Variants in NADK2 observed in about 807,000 individuals in gnomAD.
NADK2 encodes the protein NAD kinase domain-containing protein 1, mitochondrial.
In NADK2, 35 loss-of-function variants were observed where a neutral mutation model predicts 62.1. The observed-to-expected ratio is 0.56, with a 90% CI of 0.43 to 0.75. The LOEUF is 0.75. Ranked by LOEUF, NADK2 falls within the 30% of genes least tolerant of loss-of-function variation. NADK2 has a pLI of 0.00. For synonymous variants in NADK2, 205 were observed against 207.9 expected (o/e 0.99, Z 0.12); for missense variants, 439 against 561.3 (o/e 0.78, Z 2.20).
intron 8 of NADK2, 23 bp downstream of exon 8, chr5:36,207,147 A>G: frequency 1.9e-6 from 3 of 1,580,260 alleles, no homozygotes; most frequent in Non-Finnish European, 2.6e-6. Flanking sequence ...AAAACTTGAT[A>G]AGCAACATCC....
At chr5:36,242,056 G>C, upstream of NADK2, 1 of 205,524 alleles carries the variant, frequency 4.9e-6, no homozygotes, top group Non-Finnish European at 9.7e-6. Flanking sequence ...GGAGGCCCCA[G>C]CTAGTGGGTT....
rs1450067366 is a variant in NADK2 at position 36,241,842 on chromosome 5, C to A, written c.-44G>T. 8.0e-7 allele frequency: 1 copy of A among 1,244,562 alleles called. No homozygotes were observed. Among genetic ancestry groups the A allele is most frequent in the Non-Finnish European group, 1.0e-6 (1 of 994,170 alleles). The allele number at this position is 1,244,562 out of a possible 1,614,324, so 77.1% of individuals were successfully genotyped here. ...CGCGGGCTTGGGCTCGGGCCCCTTG[C>A]CTCAGCTCCCTACCGCCGGGAGTGC... On this transcript the variant is annotated 5_prime_UTR_variant, in exon 1 of 12. Transcript: ENST00000381937. The surrounding 1 kb of genome is among the most constrained non-coding windows in gnomAD (Gnocchi z 4.9).
chr5:36,224,484 G>C (rs1043986785), intron 4 of NADK2, among the ~76,000 whole-genome samples: 1 of 151,322 alleles, frequency 6.6e-6, no homozygotes, highest in Non-Finnish European at 1.5e-5. Context: ...TTGAACCCAG[G>C]AGGCAGAGGT....
intron 7 of NADK2, among the ~76,000 whole-genome samples, chr5:36,210,494 TACA>T (rs1490650086): frequency 2.7e-5 from 4 of 149,582 alleles, no homozygotes; most frequent in Non-Finnish European, 4.4e-5. Context: ...CTAAAAAGGA[TACA>T]ACATCACCTA....
chr5:36,239,828 C>T (rs1256023436), intron 1 of NADK2, among the ~76,000 whole-genome samples: 1 of 152,154 alleles, frequency 6.6e-6, no homozygotes, highest in Non-Finnish European at 1.5e-5. Context: ...ACTGACACTA[C>T]TATACAAAAA....
chr5:36,214,449 G>T (rs1186434529), intron 6 of NADK2, among the ~76,000 whole-genome samples: 2 of 152,102 alleles, frequency 1.3e-5, no homozygotes, highest in African/African-American at 4.8e-5. Flanking sequence ...CAAAGTGCTG[G>T]AATTACAGGC....
chr5:36,226,890 T>C lies in NADK2; in HGVS notation c.390-327A>G, dbSNP rs139736300. 3.5e-4 allele frequency among the ~76,000 whole-genome samples: 53 copies of C among 152,264 alleles called. No homozygotes were observed. The East Asian group carries it at 9.8e-3, about 28-fold the overall frequency. On this transcript the variant is annotated intron_variant, in intron 2 of 11. Transcript: ENST00000381937. ...CTCCTTCTAATGCTTAAATTCATAA[T>C]ACAAAAATGGTCCAGAAGACTAACA...
intron 4 of NADK2, among the ~76,000 whole-genome samples, chr5:36,222,276 C>T (rs1747301451): frequency 6.6e-6 from 1 of 152,028 alleles, no homozygotes; most frequent in African/African-American, 2.4e-5. Flanking sequence ...GGGACATAGG[C>T]CTTCTGGAGA....
chr5:36,205,853 T>C lies in NADK2; in HGVS notation c.956+1317A>G, dbSNP rs911686704. 3.3e-5 allele frequency among the ~76,000 whole-genome samples: 5 copies of C among 152,164 alleles called. No homozygotes were observed. Among genetic ancestry groups the C allele is most frequent in the Non-Finnish European group, 4.4e-5 (3 of 68,050 alleles). On this transcript the variant is annotated intron_variant, in intron 8 of 11. Coordinates refer to ENST00000381937, the MANE Select transcript of NADK2 (RefSeq NM_001085411.3). This position sits in a 1 kb window ranked among gnomAD's most constrained non-coding sequence, Gnocchi z 4.1. ...AAAGACACATGCACATGTATATTTA[T>C]TGTGGCACTATTCACAATAGCAAAG...
chr5:36,197,442 A>G (rs1746270219), intron 11 of NADK2, 99 bp downstream of exon 11: 1 of 1,496,420 alleles, frequency 6.7e-7, no homozygotes, highest in African/African-American at 1.4e-5. Context: ...TTAAGTTTGA[A>G]TGAGCAAATT....
At position 36,219,589 on chromosome 5, in the gene NADK2, T is replaced by C. The variant is rs1747179052; in HGVS notation, c.644+7A>G. The stretch of plus-strand genomic sequence containing the variant: ...CTTACATAAGAACAACCGTAAGAAA[T>C]TCCTACCTGAACTCACCACGATAGA... On this transcript the variant is annotated splice_region_variant and intron_variant, in intron 5 of 11. Transcript: ENST00000381937. 2 of 1,610,338 alleles carry C rather than the reference T, an allele frequency of 1.2e-6. No individual in the cohort carries two copies. Among genetic ancestry groups the C allele is most frequent in the African/African-American group, 1.3e-5 (1 of 74,794 alleles).
chr5:36,227,867 T>C (rs1747541913), intron 1 of NADK2, among the ~76,000 whole-genome samples: 1 of 150,236 alleles, frequency 6.7e-6, no homozygotes, highest in Non-Finnish European at 1.5e-5. Context: ...TTTTTTGAGA[T>C]GGAGTCTCGC....
chr5:36,200,382 G>A, intron 9 of NADK2, 102 bp from the exon 10 acceptor site: 1 of 501,330 alleles, frequency 2.0e-6, no homozygotes, highest in Non-Finnish European at 3.1e-6. Flanking sequence ...GTGTATATGT[G>A]TTATATATAT....
In NADK2 at chr5:36,226,537, A is replaced by C; in HGVS notation, c.416T>G (p.Val139Gly). The change falls in exon 3 of 12, where the codon GTA (valine) becomes GGA (glycine). Residue 139 changes from valine to glycine, a missense_variant. Physicochemically the swap from Val to Gly is moderately radical, Grantham distance 109. Coordinates refer to ENST00000381937, the MANE Select transcript of NADK2 (RefSeq NM_001085411.3). Reference protein sequence around the residue: ...LRNEGIEVRLVKRREYDEETV... With the variant: ...LRNEGIEVRLGKRREYDEETV... ...CTCTTCATCATATTCTCTCCTCTTT[A>C]CTAGACGAACCTCAATTCCCTCATT... 6.2e-7 allele frequency: 1 copy of C among 1,612,834 alleles called. No individual in the cohort carries two copies. The highest frequency in any genetic ancestry group is 8.5e-7 in the Non-Finnish European group (1 of 1,179,412).
rs1306181023 is a variant in NADK2, at chr5:36,241,516, C to A, written c.283G>T (p.Glu95Ter). 6.4e-7 allele frequency: 1 copy of A among 1,563,542 alleles called. No individual in the cohort carries two copies. Among genetic ancestry groups the A allele is most frequent in the East Asian group, 2.4e-5 (1 of 40,984 alleles). Residue 95 changes from glutamate to a stop codon, truncating the protein, a stop_gained, in exon 1 of 12, where the codon GAG (glutamate) becomes TAG (stop). Transcript: ENST00000381937. LOFTEE classifies it high-confidence loss of function. The surrounding 1 kb of genome is among the most constrained non-coding windows in gnomAD (Gnocchi z 4.9). ...GGACCCACCAGCTGCTTCAGGTCCTCCTCCGAGAGCTCCGCGTAACGGTAC... is the reference window on the plus strand; with the variant it reads ...GGACCCACCAGCTGCTTCAGGTCCTACTCCGAGAGCTCCGCGTAACGGTAC... ...QRYRYAELSE[E>*]DLKQLLALKG...
chr5:36,202,050 C>T lies in NADK2; in HGVS notation c.957-889G>A, dbSNP rs141756732. Among the ~76,000 whole-genome samples the T allele has an allele frequency of 3.4e-3, 510 of 151,996 alleles. 1 individual carries two copies. Among genetic ancestry groups the T allele is most frequent in the African/African-American group, 0.012 (482 of 41,484 alleles). On this transcript the variant is annotated intron_variant, in intron 8 of 11. Transcript: ENST00000381937. The stretch of plus-strand genomic sequence containing the variant: ...GGAACAGGAATAACATATGAGTCAA[C>T]GCAATTCTAAATCTAAATTACTGGC...
intron 7 of NADK2, among the ~76,000 whole-genome samples, chr5:36,210,809 C>A (rs1319836120): frequency 6.6e-6 from 1 of 152,142 alleles, no homozygotes; most frequent in East Asian, 1.9e-4. Flanking sequence ...TATGAACTGC[C>A]TATAAAAGTT....
Position 36,241,866 on chromosome 5 carries a change from G to A in NADK2, c.-68C>T, listed in dbSNP as rs559478687. Reference sequence around the variant, plus strand: ...GCCTCAGCTCCCTACCGCCGGGAGTGCGCGCCGTCCGCGCCGCCCGGGCCT... The same window carrying A: ...GCCTCAGCTCCCTACCGCCGGGAGTACGCGCCGTCCGCGCCGCCCGGGCCT... On this transcript the variant is annotated 5_prime_UTR_variant, in exon 1 of 12. Coordinates refer to ENST00000381937, the MANE Select transcript of NADK2 (RefSeq NM_001085411.3). This position sits in a 1 kb window ranked among gnomAD's most constrained non-coding sequence, Gnocchi z 4.9. The A allele has an allele frequency of 4.4e-6, 5 of 1,145,956 alleles. No homozygotes were observed. In the East Asian group the frequency reaches 1.8e-4, roughly 42 times the overall value. 71.0% of individuals were successfully genotyped at this position (1,145,956 alleles called of 1,614,324 possible).
In NADK2 at chr5:36,241,529, C is replaced by T; in HGVS notation, c.270G>A (p.Ala90=). 1.3e-6 allele frequency: 2 copies of T among 1,568,180 alleles called. No homozygotes were observed. Among genetic ancestry groups the T allele is most frequent in the Non-Finnish European group, 1.7e-6 (2 of 1,165,992 alleles). ...GCTTCAGGTCCTCCTCCGAGAGCTC[C>T]GCGTAACGGTACCGCTGCTGCTCGA... is the stretch of plus-strand genomic sequence containing the variant. ...YEFEQQRYRY[A]ELSEEDLKQL... is the part of the protein sequence containing the mutation. Residue 90 remains alanine (A), a synonymous_variant, in exon 1 of 12, where the codon GCG becomes GCA. Transcript: ENST00000381937. The surrounding 1 kb of genome is among the most constrained non-coding windows in gnomAD (Gnocchi z 4.9).
Sources: allele counts gnomAD v4.1 joint callset (sites outside exome capture counted in the v4.1 genomes callset), GRCh38; gene constraint gnomAD v4.1.1; non-coding constraint Gnocchi (gnomAD v3.1); transcripts MANE v1.5; gene names NCBI Gene and HGNC (gene_info 2026-07-23, HGNC 2026-07-21).